The following DNA2 variants were observed in gnomAD, a reference collection of about 807,000 sequenced individuals.
The protein encoded by DNA2 is DNA replication helicase/nuclease 2.
In DNA2, 101 loss-of-function variants were observed where a neutral mutation model predicts 119.1. That is an observed-to-expected ratio of 0.85 (90% confidence interval 0.72 to 1.00). The LOEUF (loss-of-function observed/expected upper bound fraction) is 1.00, where lower values mean the gene tolerates loss of function less well. DNA2 is among the 50% of genes least tolerant of loss of function. The probability of loss-of-function intolerance (pLI) is 0.00; values close to 1 mark genes in which losing one functional copy is unlikely to be tolerated. For missense variants in DNA2, 1,121 were observed against 1,255.5 expected, an observed-to-expected ratio of 0.89 and a Z score of 1.62; for synonymous variants, 366 against 424.4, an observed-to-expected ratio of 0.86 and a Z score of 1.69.
intron 5 of DNA2, among the ~76,000 whole-genome samples, chr10:68,452,232 A>G (rs531297710): frequency 6.6e-6 from 1 of 151,128 alleles, no homozygotes; most frequent in South Asian, 2.1e-4. Flanking sequence ...AGAGGTGTGC[A>G]CCACCACACC....
At chr10:68,472,234 A>G (rs2133456480), upstream of DNA2, 2 of 1,189,364 alleles carry the variant, frequency 1.7e-6, no homozygotes, top group Non-Finnish European at 2.1e-6. Context: ...AGCTGGGACT[A>G]CAGGCGCCCA....
chr10:68,461,141 T>G (rs967779490), intron 4 of DNA2, among the ~76,000 whole-genome samples: 7 of 152,126 alleles, frequency 4.6e-5, no homozygotes, highest in African/African-American at 1.2e-4. Context: ...GAAAGGACAG[T>G]ATATAGGAAT....
At chr10:68,416,501 T>C (rs1192093235) in intron 20 of DNA2, 1 of 481,810 alleles carries the variant, frequency 2.1e-6, no homozygotes, top group Non-Finnish European at 3.8e-6. Context: ...TCTAATCATT[T>C]GTTCTGGATT....
chr10:68,420,754 G>C (rs1300494876), intron 17 of DNA2, among the ~76,000 whole-genome samples: 1 of 150,222 alleles, frequency 6.7e-6, no homozygotes, highest in Non-Finnish European at 1.5e-5. Flanking sequence ...ACTCCAGCCT[G>C]GGAGACAGAG....
At chr10:68,439,030 C>CCA (rs1161453223) in intron 9 of DNA2, among the ~76,000 whole-genome samples, 3 of 82,592 alleles carry the variant, frequency 3.6e-5, no homozygotes, top group African/African-American at 5.5e-5. Flanking sequence ...AAGAATCTGT[C>CCA]CAAAAAAAAA....
At position 68,465,696 on chromosome 10, in the gene DNA2, T is replaced by C; in HGVS notation, c.558A>G (p.Thr186=). ...CCTTCAAATGTCTTATTTCTTGAAT[T>C]GTTTGAAAAGCAAGTTCTTGTAGCT... The part of the protein sequence containing the change: ...PEKLQELAFQ[T]IQEIRHLKEM... Residue 186 remains threonine (T), a synonymous_variant, in exon 4 of 21, where the codon ACA becomes ACG. Coordinates refer to ENST00000358410, the MANE Select transcript of DNA2 (RefSeq NM_001080449.3). 6.2e-7 allele frequency: 1 copy of C among 1,600,820 alleles called. No homozygotes were observed. Among genetic ancestry groups the C allele is most frequent in the Non-Finnish European group, 8.5e-7 (1 of 1,175,424 alleles).
At chr10:68,430,247 A>C (rs965914385) in intron 14 of DNA2, among the ~76,000 whole-genome samples, 189 bp downstream of exon 14, 1 of 152,140 alleles carries the variant, frequency 6.6e-6, no homozygotes, top group Non-Finnish European at 1.5e-5. Flanking sequence ...CTAAATAATA[A>C]ACCCAAAACC....
chr10:68,439,031 C>CAA (rs35393675), intron 9 of DNA2, among the ~76,000 whole-genome samples: 1,019 of 80,568 alleles, frequency 0.013, 22 homozygotes, highest in African/African-American at 0.034. Context: ...AGAATCTGTC[C>CAA]AAAAAAAAAA....
intron 17 of DNA2, among the ~76,000 whole-genome samples, chr10:68,421,490 C>T (rs1394663834): frequency 1.3e-5 from 2 of 152,000 alleles, no homozygotes; most frequent in Non-Finnish European, 2.9e-5. Context: ...CACAGTGGCT[C>T]ACACTATAAT....
At chr10:68,452,468 TTTATG>T (rs2052131840) in intron 5 of DNA2, among the ~76,000 whole-genome samples, 1 of 152,174 alleles carries the variant, frequency 6.6e-6, no homozygotes, top group Admixed American at 6.6e-5. Context: ...AAACTTATTA[TTTATG>T]AAATGTCACA....
chr10:68,432,513 A>G lies in DNA2; in HGVS notation c.1647-3T>C. On this transcript the variant is annotated splice_polypyrimidine_tract_variant and splice_region_variant and intron_variant, in intron 10 of 20. Transcript: ENST00000358410. Reference sequence around the variant, plus strand: ...ATTCTGGAAGGACCGACAAGTTTCTAAAACAACAAAACAAATATACATGAA... The same window carrying G: ...ATTCTGGAAGGACCGACAAGTTTCTGAAACAACAAAACAAATATACATGAA... 7.0e-7 allele frequency: 1 copy of G among 1,436,648 alleles called. No individual in the cohort carries two copies. Among genetic ancestry groups the G allele is most frequent in the Non-Finnish European group, 9.6e-7 (1 of 1,046,092 alleles). The allele number at this position is 1,436,648 out of a possible 1,614,324, so 89.0% of individuals were successfully genotyped here. A position where few individuals can be genotyped will look rare whatever the true frequency, so the allele number is the denominator to read the frequency against.
chr10:68,459,739 C>T (rs10823202), intron 4 of DNA2, among the ~76,000 whole-genome samples: 27,100 of 152,054 alleles, frequency 0.18, 2,938 homozygotes, highest in African/African-American at 0.31. Context: ...TTAAAAATGG[C>T]TAACATGGGC....
chr10:68,459,155 T>C lies in DNA2; in HGVS notation c.668A>G (p.Asp223Gly), dbSNP rs764838815. The change falls in exon 5 of 21, where the codon GAT becomes GGT. Residue 223 changes from aspartate to glycine, a missense_variant. Asp to Gly is a moderately conservative substitution (Grantham distance 94). Transcript: ENST00000358410. The stretch of plus-strand genomic sequence containing the variant: ...AGTCGAAGTGTTTTTATGCATGAAA[T>C]CTCCTGCCCATTTACAAAACGAAGG... Reference protein sequence around the residue: ...YLPSFCKWAGDFMHKNTSTDF... With the variant: ...YLPSFCKWAGGFMHKNTSTDF... 6 of 1,596,542 alleles carry C rather than the reference T, an allele frequency of 3.8e-6. No homozygotes were observed. Among genetic ancestry groups the C allele is most frequent in the Middle Eastern group, 1.6e-4 (1 of 6,062 alleles).
At chr10:68,462,889 G>C (rs2052277387) in intron 4 of DNA2, among the ~76,000 whole-genome samples, 3 of 152,162 alleles carry the variant, frequency 2.0e-5, no homozygotes, top group African/African-American at 4.8e-5. Context: ...AGCACTTTGG[G>C]AGGCCAAGGA....
At chr10:68,422,043 G>A (rs1041041290) in intron 17 of DNA2, among the ~76,000 whole-genome samples, 182 bp downstream of exon 17, 11 of 152,080 alleles carry the variant, frequency 7.2e-5, no homozygotes, top group Admixed American at 6.6e-4. Flanking sequence ...TTGAATTCCT[G>A]ACCTTGTGAT....
intron 5 of DNA2, among the ~76,000 whole-genome samples, chr10:68,453,068 T>C (rs957245564): frequency 2.6e-5 from 4 of 151,796 alleles, no homozygotes; most frequent in Non-Finnish European, 5.9e-5. Flanking sequence ...GCCTGGCTAA[T>C]TTTTGTATTT....
intron 1 of DNA2, 119 bp downstream of exon 1, chr10:68,471,672 C>T: frequency 7.8e-7 from 1 of 1,281,086 alleles, no homozygotes; most frequent in Non-Finnish European, 1.0e-6. Context: ...GCCCAGGGAG[C>T]TGCACCGGGT....
At chr10:68,456,585 CATAT>C (rs987484230) in intron 5 of DNA2, among the ~76,000 whole-genome samples, 1 of 151,762 alleles carries the variant, frequency 6.6e-6, no homozygotes, top group Non-Finnish European at 1.5e-5. Context: ...GGCTAATTTT[CATAT>C]TTTTAGTAGA....
intron 2 of DNA2, among the ~76,000 whole-genome samples, chr10:68,469,390 CAA>C (rs71019005): frequency 3.0e-4 from 23 of 76,030 alleles, no homozygotes; most frequent in African/African-American, 8.5e-4. Flanking sequence ...ACTAAAAATA[CAA>C]AAAAAAAAAA....
Sources: gnomAD v4.1 joint callset for allele counts (sites outside exome capture counted in the v4.1 genomes callset) on GRCh38, gnomAD v4.1.1 for gene constraint, MANE v1.5 for transcripts, NCBI Gene and HGNC (gene_info 2026-07-23, HGNC 2026-07-21) for gene names.